CLVS1: variants seen among roughly 807,000 people sequenced by gnomAD.
CLVS1 encodes the protein clavesin-1.
CLVS1 carries 10 observed loss-of-function variants against 33.1 expected under a neutral mutation model. That is an observed-to-expected ratio of 0.30 (90% CI 0.19 to 0.51). The LOEUF (loss-of-function observed/expected upper bound fraction) is 0.51. CLVS1 is among the 20% of genes least tolerant of loss of function. CLVS1 has a pLI of 0.97. For synonymous variants in CLVS1, 163 were observed against 166.1 expected (o/e 0.98, Z 0.14); for missense variants, 343 against 433.4 (o/e 0.79, Z 1.85).
At chr8:61,277,710 T>C (rs1169297801) in intron 2 of CLVS1, among the ~76,000 whole-genome samples, 1 of 152,162 alleles carries the variant, frequency 6.6e-6, no homozygotes, top group African/African-American at 2.4e-5. Context: ...AGTAAACTCA[T>C]CCTTTCAACA....
upstream of CLVS1, among the ~76,000 whole-genome samples, chr8:61,287,503 A>G (rs545863740): frequency 6.6e-6 from 1 of 152,172 alleles, no homozygotes; most frequent in Admixed American, 6.5e-5. Flanking sequence ...TATGTCTTCT[A>G]TTCCTCTTGT....
intron 2 of CLVS1, among the ~76,000 whole-genome samples, chr8:61,356,602 G>C (rs1310988096): frequency 6.6e-6 from 1 of 152,016 alleles, no homozygotes; most frequent in Non-Finnish European, 1.5e-5. Flanking sequence ...TAAGGTGTAA[G>C]GAAGGGATCC....
chr8:61,388,521 T>A (rs140935253), intron 3 of CLVS1, among the ~76,000 whole-genome samples: 168 of 152,170 alleles, frequency 1.1e-3, no homozygotes, highest in African/African-American at 3.8e-3. Flanking sequence ...AACTTAATTA[T>A]ACAGCAGTTG....
chr8:61,270,551 C>T (rs1028308390), intron 2 of CLVS1, among the ~76,000 whole-genome samples: 3 of 152,162 alleles, frequency 2.0e-5, no homozygotes, highest in African/African-American at 4.8e-5. Context: ...GGAGGATTCC[C>T]TCTTTTTCTA....
chr8:61,449,661 G>T (rs1316952650), intron 3 of CLVS1, among the ~76,000 whole-genome samples: 3 of 151,996 alleles, frequency 2.0e-5, no homozygotes, highest in Non-Finnish European at 2.9e-5. Context: ...CTTTTTTTTA[G>T]TTGCTTTTTA....
chr8:61,480,470 G>C (rs1157492749), intron 5 of CLVS1, among the ~76,000 whole-genome samples: 2 of 152,118 alleles, frequency 1.3e-5, no homozygotes, highest in Non-Finnish European at 2.9e-5. Context: ...GATTTTCCTG[G>C]TGCCGTCTGT....
intron 1 of CLVS1, among the ~76,000 whole-genome samples, chr8:61,288,840 A>T (rs1486747970): frequency 6.6e-6 from 1 of 152,236 alleles, no homozygotes; most frequent in African/African-American, 2.4e-5. Context: ...TGTTTAATGC[A>T]GAAACTCCAG....
intron 2 of CLVS1, among the ~76,000 whole-genome samples, chr8:61,223,529 G>T (rs1808267884): frequency 6.6e-6 from 1 of 152,166 alleles, no homozygotes; most frequent in Non-Finnish European, 1.5e-5. Flanking sequence ...GGCTTGTAGG[G>T]TTTCTGTTGA....
chr8:61,077,528 C>A (rs995705166), intron 1 of CLVS1, among the ~76,000 whole-genome samples: 2 of 142,104 alleles, frequency 1.4e-5, no homozygotes, highest in Non-Finnish European at 3.1e-5. Flanking sequence ...CAGGCTGGAG[C>A]GCAGTGGCGC....
chr8:61,395,080 T>C (rs934562435), intron 3 of CLVS1, among the ~76,000 whole-genome samples: 1 of 152,230 alleles, frequency 6.6e-6, no homozygotes, highest in Non-Finnish European at 1.5e-5. Flanking sequence ...GATACAGGCC[T>C]CTTATCAGAA....
At chr8:61,166,046 G>C (rs1273383641) in intron 2 of CLVS1, among the ~76,000 whole-genome samples, 1 of 39,868 alleles carries the variant, frequency 2.5e-5, no homozygotes, top group Non-Finnish European at 8.0e-5. Context: ...TTTTTTTTTT[G>C]CCTGCCTTTG....
At position 61,231,306 on chromosome 8, in the gene CLVS1, A is replaced by ACACACACACACACACACT. The variant is rs1018645839; in HGVS notation, c.-151-68370_-151-68369insACACACACACACACACTC. The stretch of plus-strand genomic sequence containing the variant: ...TGCTTGCACACACACACACACACAC[A>ACACACACACACACACACT]CTCTAATATTAGGAAACATCTCTTA... On this transcript the variant is annotated intron_variant, in intron 2 of 2. Coordinates refer to the CLVS1 transcript ENST00000522621. 4.4e-3 allele frequency among the ~76,000 whole-genome samples: 668 copies of ACACACACACACACACACT among 151,214 alleles called. 5 individuals carry two copies. The highest frequency in any genetic ancestry group is 0.015 in the African/African-American group (629 of 41,088).
the CLVS1 span, among the ~76,000 whole-genome samples, chr8:60,992,728 G>C: frequency 1.3e-5 from 2 of 152,122 alleles, no homozygotes; most frequent in African/African-American, 4.8e-5. Flanking sequence ...ATTGCTTTTT[G>C]AGGATTCTAA....
At chr8:61,219,546 C>T (rs1348573526) in intron 2 of CLVS1, among the ~76,000 whole-genome samples, 1 of 152,210 alleles carries the variant, frequency 6.6e-6, no homozygotes, top group Non-Finnish European at 1.5e-5. Context: ...TCCAGTCTAT[C>T]ATTGATGGGC....
At chr8:61,303,606 G>A (rs888583991) in intron 2 of CLVS1, among the ~76,000 whole-genome samples, 2 of 152,198 alleles carry the variant, frequency 1.3e-5, no homozygotes, top group African/African-American at 2.4e-5. Context: ...TAATAAAAAG[G>A]TTGTAATGAC....
At chr8:61,422,228 A>G (rs993541768) in intron 3 of CLVS1, among the ~76,000 whole-genome samples, 2 of 152,210 alleles carry the variant, frequency 1.3e-5, no homozygotes, top group African/African-American at 2.4e-5. Context: ...ACCTAATGTC[A>G]ATGGGCATAT....
At chr8:61,132,763 A>T (rs1220190227) in intron 2 of CLVS1, among the ~76,000 whole-genome samples, 1 of 152,200 alleles carries the variant, frequency 6.6e-6, no homozygotes, top group Non-Finnish European at 1.5e-5. Flanking sequence ...AAGTGGGGGA[A>T]GTTCCCCAGT....
At chr8:60,966,968 T>C in the CLVS1 span, among the ~76,000 whole-genome samples, 2 of 152,202 alleles carry the variant, frequency 1.3e-5, no homozygotes, top group African/African-American at 4.8e-5. Flanking sequence ...ATAATTAACA[T>C]GCCATGAACT....
chr8:61,468,346 A>C (rs1285775732), intron 5 of CLVS1, among the ~76,000 whole-genome samples: 2 of 152,302 alleles, frequency 1.3e-5, no homozygotes, highest in African/African-American at 2.4e-5. Context: ...TGTCCTTTTC[A>C]CAGTGGTACT....
Sources: allele counts gnomAD v4.1 joint callset (sites outside exome capture counted in the v4.1 genomes callset), GRCh38; gene constraint gnomAD v4.1.1; transcripts MANE v1.5; gene names NCBI Gene and HGNC (gene_info 2026-07-23, HGNC 2026-07-21).